UPP2: variants seen among roughly 807,000 people sequenced by gnomAD.
UPP2 encodes uridine phosphorylase 2.
A neutral mutation model predicts 26.7 loss-of-function variants in UPP2; 23 were observed. The observed-to-expected ratio is 0.86, with a 90% CI of 0.62 to 1.22. The LOEUF is 1.22. Among genes scored for constraint, UPP2 ranks in the 50% most tolerant of loss-of-function variants. The pLI is 0.00. For synonymous variants in UPP2, 127 were observed against 141.3 expected (o/e 0.90, Z 0.72); for missense variants, 387 against 396.7 (o/e 0.98, Z 0.21).
chr2:158,000,798 G>A (rs2355162), intron 2 of UPP2, among the ~76,000 whole-genome samples: 74,266 of 152,182 alleles, frequency 0.49, 19,022 homozygotes, highest in South Asian at 0.68. Flanking sequence ...TTGCAGGAGA[G>A]AGTAGTTTTA....
At chr2:158,019,372 A>G (rs1212782034) in intron 3 of UPP2, among the ~76,000 whole-genome samples, 1 of 152,088 alleles carries the variant, frequency 6.6e-6, no homozygotes, top group African/African-American at 2.4e-5. Context: ...TTGCTGGAGG[A>G]CGGAGCGGGG....
At chr2:158,062,293 T>C (rs1350216876) in intron 3 of UPP2, among the ~76,000 whole-genome samples, 1 of 152,216 alleles carries the variant, frequency 6.6e-6, no homozygotes. Context: ...TTAAATTACA[T>C]TTAAGCTTGG....
At chr2:158,049,567 A>C (rs1382353772) in intron 3 of UPP2, among the ~76,000 whole-genome samples, 2 of 152,204 alleles carry the variant, frequency 1.3e-5, no homozygotes, top group Non-Finnish European at 2.9e-5. Flanking sequence ...GGGGTAATAC[A>C]TTAGTGAGCT....
At chr2:158,076,352 G>A (rs545620824) in intron 3 of UPP2, among the ~76,000 whole-genome samples, 1 of 151,992 alleles carries the variant, frequency 6.6e-6, no homozygotes, top group South Asian at 2.1e-4. Flanking sequence ...ACCAGAACCA[G>A]ACAAAGACAC....
chr2:158,131,274 C>G (rs146927914), intron 6 of UPP2, among the ~76,000 whole-genome samples: 19 of 152,286 alleles, frequency 1.2e-4, no homozygotes, highest in African/African-American at 4.6e-4. Context: ...TGTTTGACTT[C>G]TGCTGTGCAA....
chr2:158,124,012 T>C (rs1332575138), intron 6 of UPP2, 117 bp downstream of exon 6: 1 of 1,008,982 alleles, frequency 9.9e-7, no homozygotes, highest in South Asian at 1.8e-5. Flanking sequence ...AGGCATGACT[T>C]ATAATTGTAT....
intron 3 of UPP2, among the ~76,000 whole-genome samples, chr2:158,037,008 T>C (rs887568089): frequency 6.6e-6 from 1 of 152,188 alleles, no homozygotes; most frequent in Non-Finnish European, 1.5e-5. Context: ...AGTTCATTTA[T>C]TTTTTGGAAT....
intron 3 of UPP2, among the ~76,000 whole-genome samples, chr2:158,032,507 G>A (rs766896774): frequency 3.3e-5 from 5 of 152,104 alleles, no homozygotes; most frequent in Admixed American, 2.6e-4. Context: ...CATAGGACAG[G>A]GGAAATATTA....
chr2:158,091,962 A>C (rs530013051), intron 3 of UPP2, among the ~76,000 whole-genome samples: 1 of 150,094 alleles, frequency 6.7e-6, no homozygotes, highest in Admixed American at 6.6e-5. Context: ...GTGTAGATAC[A>C]GGGTGGAGTA....
intron 2 of UPP2, among the ~76,000 whole-genome samples, chr2:158,008,044 T>C (rs1310143983): frequency 6.6e-6 from 1 of 152,212 alleles, no homozygotes; most frequent in Admixed American, 6.5e-5. Flanking sequence ...AAAAATGGAT[T>C]GAAAAGAATG....
chr2:158,097,438 A>C (rs144511312), upstream of UPP2, among the ~76,000 whole-genome samples: 152 of 152,250 alleles, frequency 1.0e-3, no homozygotes, highest in African/African-American at 3.5e-3. Context: ...AAATTTCGTC[A>C]ATCAAGAAAT....
At chr2:158,034,537 C>T (rs1683972199) in intron 3 of UPP2, among the ~76,000 whole-genome samples, 2 of 152,180 alleles carry the variant, frequency 1.3e-5, no homozygotes, top group African/African-American at 4.8e-5. Context: ...GGAGATGTGA[C>T]AGACAGAGGG....
At chr2:158,013,960 T>C (rs143699815) in intron 2 of UPP2, among the ~76,000 whole-genome samples, 2 of 152,188 alleles carry the variant, frequency 1.3e-5, no homozygotes, top group Admixed American at 1.3e-4. Context: ...AGAACTGTTC[T>C]TCCTCCCACA....
At chr2:158,044,404 CG>C in intron 3 of UPP2, among the ~76,000 whole-genome samples, 1 of 151,842 alleles carries the variant, frequency 6.6e-6, no homozygotes, top group East Asian at 1.9e-4. Context: ...GTGTAAGTCT[CG>C]GGGCAGGAGA....
At chr2:158,055,031 C>T (rs956169041) in intron 3 of UPP2, among the ~76,000 whole-genome samples, 3 of 152,198 alleles carry the variant, frequency 2.0e-5, no homozygotes, top group Non-Finnish European at 4.4e-5. Flanking sequence ...TACTCAGATA[C>T]TGTCTTAGTT....
intron 3 of UPP2, among the ~76,000 whole-genome samples, chr2:158,020,573 A>G (rs896893183): frequency 2.0e-5 from 3 of 152,212 alleles, no homozygotes; most frequent in African/African-American, 4.8e-5. Context: ...CTGATATTCC[A>G]GGAAGAAGGA....
intron 3 of UPP2, among the ~76,000 whole-genome samples, chr2:158,028,214 A>G (rs1021306573): frequency 2.6e-5 from 4 of 152,142 alleles, no homozygotes; most frequent in African/African-American, 9.7e-5. Flanking sequence ...CCAAACTTTT[A>G]TGCTCTGCTT....
chr2:158,033,064 G>T (rs1256594976), intron 3 of UPP2, among the ~76,000 whole-genome samples: 1 of 152,058 alleles, frequency 6.6e-6, no homozygotes, highest in African/African-American at 2.4e-5. Flanking sequence ...GAGGCCAGGG[G>T]TCATTTAGAA....
chr2:157,998,797 C>A (rs764760091), intron 2 of UPP2, among the ~76,000 whole-genome samples: 1 of 151,946 alleles, frequency 6.6e-6, no homozygotes. Context: ...AAGACTCTGT[C>A]GCAAAAATAA....
Sources: allele counts gnomAD v4.1 joint callset (sites outside exome capture counted in the v4.1 genomes callset), GRCh38; gene constraint gnomAD v4.1.1; transcripts MANE v1.5; gene names NCBI Gene and HGNC (gene_info 2026-07-23, HGNC 2026-07-21).